HS6ST3: variants seen among roughly 807,000 people sequenced by gnomAD.
HS6ST3 encodes the protein heparan sulfate 6-O-sulfotransferase 3.
A neutral mutation model predicts 36.7 loss-of-function variants in HS6ST3; 12 were observed. The ratio of observed to expected loss-of-function variants is 0.33; its 90% CI spans 0.21 to 0.53. The LOEUF is 0.53. Among genes scored for constraint, HS6ST3 ranks in the 20% least tolerant of loss-of-function variants. The pLI is 0.95. For synonymous variants in HS6ST3, 240 were observed against 257.5 expected, an observed-to-expected ratio of 0.93 and a Z score of 0.65; for missense variants, 584 against 640.9, an observed-to-expected ratio of 0.91 and a Z score of 0.96.
At chr13:96,115,154 C>T (rs1237477047) in intron 1 of HS6ST3, among the ~76,000 whole-genome samples, 6 of 152,162 alleles carry the variant, frequency 3.9e-5, no homozygotes, top group Non-Finnish European at 5.9e-5. Flanking sequence ...TTGGCACAGA[C>T]ATGGAACCCT....
At chr13:96,209,502 A>T (rs1566288517) in intron 1 of HS6ST3, among the ~76,000 whole-genome samples, 1 of 152,176 alleles carries the variant, frequency 6.6e-6, no homozygotes, top group Admixed American at 6.5e-5. Flanking sequence ...GAGTCATGAG[A>T]ATAGGTGGAT....
At chr13:96,142,413 C>G (rs1368762450) in intron 1 of HS6ST3, among the ~76,000 whole-genome samples, 1 of 152,104 alleles carries the variant, frequency 6.6e-6, no homozygotes, top group Non-Finnish European at 1.5e-5. Flanking sequence ...TATCTTGCAT[C>G]CAAGATCCAA....
chr13:96,656,128 G>A (rs2056623917), intron 1 of HS6ST3, among the ~76,000 whole-genome samples: 1 of 151,984 alleles, frequency 6.6e-6, no homozygotes, highest in East Asian at 1.9e-4. Flanking sequence ...ATTTTCTTAG[G>A]GCTACCATTG....
chr13:96,434,671 C>T (rs947291292), intron 1 of HS6ST3, among the ~76,000 whole-genome samples: 5 of 152,046 alleles, frequency 3.3e-5, no homozygotes, highest in African/African-American at 1.2e-4. Flanking sequence ...GCTTCTCTCC[C>T]CAAGCTGCCC....
At chr13:96,245,741 G>A (rs2054582032) in intron 1 of HS6ST3, among the ~76,000 whole-genome samples, 1 of 152,164 alleles carries the variant, frequency 6.6e-6, no homozygotes, top group Non-Finnish European at 1.5e-5. Flanking sequence ...AACAGGCTAA[G>A]AGGCAGCATA....
Position 96,506,518 on chromosome 13 carries a change from G to C in HS6ST3, c.708-325972G>C, listed in dbSNP as rs540436041. On this transcript the variant is annotated intron_variant, in intron 1 of 1. Coordinates refer to ENST00000376705, the MANE Select transcript of HS6ST3 (RefSeq NM_153456.4). Reference sequence around the variant, plus strand: ...ATTAATTCATCTCTTAAATAGGATAGGAAACCATCTTTTGTAGCTATCGCT... The same window carrying C: ...ATTAATTCATCTCTTAAATAGGATACGAAACCATCTTTTGTAGCTATCGCT... Among the ~76,000 whole-genome samples, 7 of 152,250 alleles carry C rather than the reference G, an allele frequency of 4.6e-5. No individual in the cohort carries two copies. The East Asian group carries it at 1.4e-3, about 29-fold the overall frequency.
At chr13:96,741,402 T>G (rs1480921979) in intron 1 of HS6ST3, among the ~76,000 whole-genome samples, 1 of 152,206 alleles carries the variant, frequency 6.6e-6, no homozygotes, top group Non-Finnish European at 1.5e-5. Context: ...TTATTTTGAT[T>G]AGCTTTTCTA....
At chr13:96,732,607 G>T (rs150260232) in intron 1 of HS6ST3, among the ~76,000 whole-genome samples, 28 of 151,974 alleles carry the variant, frequency 1.8e-4, no homozygotes, top group African/African-American at 5.3e-4. Context: ...TGTTCATTTT[G>T]CTCAAGATCA....
intron 1 of HS6ST3, among the ~76,000 whole-genome samples, chr13:96,700,559 A>G (rs1875258620): frequency 2.0e-5 from 3 of 152,244 alleles, no homozygotes; most frequent in South Asian, 4.2e-4. Flanking sequence ...TTTTATTTGA[A>G]CAACCATCAT....
At chr13:96,380,905 C>T (rs946916682) in intron 1 of HS6ST3, among the ~76,000 whole-genome samples, 1 of 152,100 alleles carries the variant, frequency 6.6e-6, no homozygotes, top group Non-Finnish European at 1.5e-5. Flanking sequence ...GGGAAAAAGA[C>T]ATGGATAAAA....
intron 1 of HS6ST3, among the ~76,000 whole-genome samples, chr13:96,111,831 A>G (rs1290301202): frequency 6.6e-6 from 1 of 152,204 alleles, no homozygotes; most frequent in African/African-American, 2.4e-5. Flanking sequence ...AGAACTGCAG[A>G]TTTCATTGGA....
chr13:96,738,572 G>C (rs1876347402), intron 1 of HS6ST3, among the ~76,000 whole-genome samples: 1 of 152,134 alleles, frequency 6.6e-6, no homozygotes, highest in African/African-American at 2.4e-5. Context: ...CCCTATTATT[G>C]TTTAAATAGC....
At chr13:96,441,308 AG>A (rs2055670174) in intron 1 of HS6ST3, among the ~76,000 whole-genome samples, 1 of 151,836 alleles carries the variant, frequency 6.6e-6, no homozygotes, top group South Asian at 2.1e-4. Flanking sequence ...TTTGATGAGT[AG>A]GGGACTGGGG....
chr13:96,515,175 A>G (rs537984560), intron 1 of HS6ST3, among the ~76,000 whole-genome samples: 141 of 152,340 alleles, frequency 9.3e-4, no homozygotes, highest in Admixed American at 2.1e-3. Context: ...TGCAAATGCC[A>G]AATATTGGTA....
chr13:96,479,312 G>A (rs2055878949), intron 1 of HS6ST3, among the ~76,000 whole-genome samples: 2 of 152,192 alleles, frequency 1.3e-5, no homozygotes, highest in Admixed American at 6.5e-5. Context: ...GAGAAATCAG[G>A]TATTTCTAGG....
chr13:96,099,030 G>A (rs1333214475), intron 1 of HS6ST3, among the ~76,000 whole-genome samples: 3 of 152,068 alleles, frequency 2.0e-5, no homozygotes, highest in Admixed American at 6.6e-5. Flanking sequence ...TGCAACCTCC[G>A]CCTCACAGGT....
At chr13:96,422,780 G>A (rs2055568098) in intron 1 of HS6ST3, among the ~76,000 whole-genome samples, 2 of 152,120 alleles carry the variant, frequency 1.3e-5, no homozygotes, top group East Asian at 3.9e-4. Context: ...CACTGGATAG[G>A]AAGGAATCAA....
chr13:96,400,321 A>G (rs1177221780), intron 1 of HS6ST3, among the ~76,000 whole-genome samples: 1 of 146,654 alleles, frequency 6.8e-6, no homozygotes, highest in Non-Finnish European at 1.5e-5. Flanking sequence ...ACACACACAC[A>G]CACACACACA....
chr13:96,286,411 T>C (rs2054802734), intron 1 of HS6ST3, among the ~76,000 whole-genome samples: 1 of 152,132 alleles, frequency 6.6e-6, no homozygotes, highest in Non-Finnish European at 1.5e-5. Context: ...TTATTTAAAA[T>C]TTTATCGTGT....
Sources: gnomAD v4.1 joint callset for allele counts (sites outside exome capture counted in the v4.1 genomes callset) on GRCh38, gnomAD v4.1.1 for gene constraint, MANE v1.5 for transcripts, NCBI Gene and HGNC (gene_info 2026-07-23, HGNC 2026-07-21) for gene names.